The following BLM variants were observed in gnomAD, a reference collection of about 807,000 sequenced individuals.
BLM encodes recQ-like DNA helicase BLM.
A neutral mutation model predicts 135.3 loss-of-function variants in BLM; 95 were observed. The observed-to-expected ratio is 0.70, with a 90% confidence interval of 0.59 to 0.83. The LOEUF (loss-of-function observed/expected upper bound fraction) is 0.83, where lower values mean the gene tolerates loss of function less well. Ranked by LOEUF, BLM falls within the 40% of genes least tolerant of loss-of-function variation. The probability of loss-of-function intolerance (pLI) is 0.00; values close to 1 mark genes in which losing one functional copy is unlikely to be tolerated. For missense variants in BLM, 1,518 were observed against 1,663.9 expected (o/e 0.91, Z 1.53); for synonymous variants, 520 against 589.2 (o/e 0.88, Z 1.70).
At chr15:90,739,687 A>G (rs1264118981) in intron 1 of BLM, among the ~76,000 whole-genome samples, 2 of 152,130 alleles carry the variant, frequency 1.3e-5, no homozygotes, top group African/African-American at 4.8e-5. Context: ...CTGATGACAA[A>G]CTATTGTTTT....
chr15:90,806,085 A>T (rs1172515864), intron 19 of BLM, among the ~76,000 whole-genome samples: 1 of 152,146 alleles, frequency 6.6e-6, no homozygotes, highest in African/African-American at 2.4e-5. Flanking sequence ...CAGTAAAAAA[A>T]ATTCTTTCAA....
At chr15:90,739,069 A>T (rs923691409) in intron 1 of BLM, among the ~76,000 whole-genome samples, 1 of 152,182 alleles carries the variant, frequency 6.6e-6, no homozygotes, top group African/African-American at 2.4e-5. Context: ...AAAATGTGGT[A>T]TGTATCTACA....
intron 2 of BLM, among the ~76,000 whole-genome samples, chr15:90,747,894 G>T (rs967988179): frequency 3.9e-5 from 6 of 152,010 alleles, no homozygotes; most frequent in Non-Finnish European, 8.8e-5. Flanking sequence ...TGCAAGCTCC[G>T]CCTCCTGGGT....
At position 90,749,464 on chromosome 15, in the gene BLM, A is replaced by T; in HGVS notation, c.196A>T (p.Asn66Tyr). 1 of 1,612,654 alleles carries T rather than the reference A, an allele frequency of 6.2e-7. No homozygotes were observed. Among genetic ancestry groups the T allele is most frequent in the South Asian group, 1.1e-5 (1 of 91,068 alleles). The change falls in exon 3 of 22, where the codon AAT becomes TAT. Residue 66 changes from asparagine (N) to tyrosine (Y), a missense_variant. Around this residue, in one of 5 missense-constraint regions of BLM, gnomAD observed 724 missense variants for 756.9 expected, o/e 0.96. Coordinates refer to ENST00000355112, the MANE Select transcript of BLM (RefSeq NM_000057.4). Reference sequence around the variant, plus strand: ...ACCTGTATTAAGAAATAAAGATGTTAATGTTACCGAAGACTTTTCCTTCAG... The same window carrying T: ...ACCTGTATTAAGAAATAAAGATGTTTATGTTACCGAAGACTTTTCCTTCAG... Reference protein sequence around the residue: ...KTPVLRNKDVNVTEDFSFSEP... With the variant: ...KTPVLRNKDVYVTEDFSFSEP...
At chr15:90,727,890 C>T (rs974577049) in intron 1 of BLM, among the ~76,000 whole-genome samples, 3 of 137,530 alleles carry the variant, frequency 2.2e-5, no homozygotes, top group African/African-American at 8.1e-5. Context: ...TAAGTTCCTC[C>T]AGAAAAAAAA....
intron 16 of BLM, among the ~76,000 whole-genome samples, chr15:90,794,950 C>T (rs908262443): frequency 6.6e-5 from 10 of 151,506 alleles, no homozygotes; most frequent in Admixed American, 3.9e-4. Context: ...CCTAAAATAC[C>T]CTTGGAAGGT....
At chr15:90,718,863 G>T (rs75073833) in intron 1 of BLM, among the ~76,000 whole-genome samples, 2,910 of 152,216 alleles carry the variant, frequency 0.019, 103 homozygotes, top group African/African-American at 0.066. Flanking sequence ...CAGGACAGGT[G>T]GTATTACCTA....
Position 90,763,164 on chromosome 15 carries a change from A to G in BLM, c.2074+7A>G, listed in dbSNP as rs1279559326. On this transcript the variant is annotated splice_region_variant and intron_variant, in intron 8 of 21. Coordinates refer to ENST00000355112, the MANE Select transcript of BLM (RefSeq NM_000057.4). ...TTTATCCTGATGCCGACTGGTATGT[A>G]TTTTTAGAAGTGAATTGGCAGGAAT... 5.0e-6 allele frequency: 8 copies of G among 1,613,736 alleles called. No homozygotes were observed. In the South Asian group the frequency reaches 8.8e-5, roughly 18 times the overall value.
intron 12 of BLM, among the ~76,000 whole-genome samples, chr15:90,772,420 A>G (rs1281310677): frequency 2.6e-5 from 4 of 152,240 alleles, no homozygotes; most frequent in Non-Finnish European, 5.9e-5. Context: ...AATAATAGCT[A>G]ACACTTACAT....
chr15:90,787,132 C>T (rs1156961352), intron 14 of BLM, among the ~76,000 whole-genome samples: 6 of 141,594 alleles, frequency 4.2e-5, no homozygotes, highest in Non-Finnish European at 9.1e-5. Flanking sequence ...TCACTGCAAG[C>T]TCCGCCTCTC....
Position 90,749,639 on chromosome 15 carries a change from A to G in BLM, c.371A>G (p.Asn124Ser), listed in dbSNP as rs770825975. 2.0e-5 allele frequency: 33 copies of G among 1,614,146 alleles called. No homozygotes were observed. In the South Asian group the frequency reaches 3.4e-4, roughly 17 times the overall value. ...AAGGAAGTTGTATGCACTACCCAAA[A>G]CACACCAACTGTAAAGAAATCCCGG... ...TPKEVVCTTQ[N>S]TPTVKKSRDT... The change falls in exon 3 of 22, where the codon AAC becomes AGC. Residue 124 changes from asparagine (N) to serine (S), a missense_variant. By Grantham distance (46) the Asn-to-Ser change is conservative (BLOSUM62 1). Coordinates refer to ENST00000355112, the MANE Select transcript of BLM (RefSeq NM_000057.4).
intron 12 of BLM, among the ~76,000 whole-genome samples, chr15:90,774,934 C>G (rs114194216): frequency 1.3e-5 from 2 of 149,928 alleles, no homozygotes; most frequent in African/African-American, 5.1e-5. Flanking sequence ...GAGGATCTTG[C>G]ATATAACGAT....
chr15:90,742,758 C>T (rs991884981), intron 1 of BLM, among the ~76,000 whole-genome samples: 4 of 151,910 alleles, frequency 2.6e-5, no homozygotes, highest in Non-Finnish European at 5.9e-5. Flanking sequence ...ACCTCAGCCT[C>T]CTGAGTAACT....
At chr15:90,762,079 T>C (rs1370436004) in intron 7 of BLM, among the ~76,000 whole-genome samples, 2 of 152,198 alleles carry the variant, frequency 1.3e-5, no homozygotes, top group East Asian at 1.9e-4. Context: ...AAAACAACGA[T>C]TAATGGATTT....
intron 12 of BLM, among the ~76,000 whole-genome samples, chr15:90,778,839 C>T (rs1293296149): frequency 6.6e-6 from 1 of 151,362 alleles, no homozygotes; most frequent in Non-Finnish European, 1.5e-5. Context: ...TAGGTATATG[C>T]CCAGGAGTGA....
intron 17 of BLM, 26 bp from the exon 18 acceptor site, chr15:90,803,495 T>C (rs772764332): frequency 1.4e-5 from 22 of 1,596,428 alleles, no homozygotes; most frequent in East Asian, 1.3e-4. Flanking sequence ...CATTTACTCA[T>C]CTTACTTCCT....
chr15:90,752,360 A>G (rs1467105204), intron 4 of BLM, among the ~76,000 whole-genome samples: 2 of 152,066 alleles, frequency 1.3e-5, no homozygotes, highest in African/African-American at 4.8e-5. Context: ...TATTTTCAGT[A>G]GAGACGAGGT....
chr15:90,754,938 G>C lies in BLM; in HGVS notation c.1087G>C (p.Ala363Pro), dbSNP rs200364297. The change falls in exon 5 of 22, where the codon GCT becomes CCT. Residue 363 changes from alanine to proline, a missense_variant and splice_region_variant. Ala to Pro is a conservative substitution (Grantham distance 27, BLOSUM62 -1). Coordinates refer to ENST00000355112, the MANE Select transcript of BLM (RefSeq NM_000057.4). The stretch of plus-strand genomic sequence containing the variant: ...TCCAGAAACCAGCACAGACTGTGAC[G>C]GTACAAGCAATATTTTAGACATACC... ...LNPETSTDCD[A>P]RQISLQQQLI... is the part of the protein sequence containing the mutation. 6.2e-7 allele frequency: 1 copy of C among 1,613,570 alleles called. No individual in the cohort carries two copies. Among genetic ancestry groups the C allele is most frequent in the African/African-American group, 1.3e-5 (1 of 75,004 alleles).
In BLM at chr15:90,725,325, A is replaced by G. The variant is rs144148075; in HGVS notation, c.-5+7885A>G. Among the ~76,000 whole-genome samples the G allele has an allele frequency of 6.5e-3, 984 of 152,270 alleles. 9 individuals are homozygous for G. The highest frequency in any genetic ancestry group is 0.023 in the African/African-American group (939 of 41,540). ...AAAGTGCTTGCACTCCCACCAATGTATTAGATTTTCCGTTGCTCTGCATGC... is the reference window on the plus strand; with the variant it reads ...AAAGTGCTTGCACTCCCACCAATGTGTTAGATTTTCCGTTGCTCTGCATGC... On this transcript the variant is annotated intron_variant, in intron 1 of 21. Coordinates refer to ENST00000355112, the MANE Select transcript of BLM (RefSeq NM_000057.4).
Sources: allele counts gnomAD v4.1 joint callset (sites outside exome capture counted in the v4.1 genomes callset), GRCh38; gene constraint gnomAD v4.1.1; regional missense constraint gnomAD v4.1.1; transcripts MANE v1.5; gene names NCBI Gene and HGNC (gene_info 2026-07-23, HGNC 2026-07-21).